Variants in ZNF532 observed in about 807,000 individuals in gnomAD.
ZNF532 encodes zinc finger protein 532.
ZNF532 carries 22 observed loss-of-function variants against 89.3 expected under a neutral mutation model. The observed-to-expected ratio is 0.25, with a 90% CI of 0.18 to 0.35. The LOEUF (loss-of-function observed/expected upper bound fraction) is 0.35. ZNF532 is among the 10% of genes least tolerant of loss of function. ZNF532 has a pLI of 1.00. For synonymous variants in ZNF532, 606 were observed against 649.6 expected, an observed-to-expected ratio of 0.93 and a Z score of 1.02; for missense variants, 1,132 against 1,643.4, an observed-to-expected ratio of 0.69 and a Z score of 5.38.
intron 6 of ZNF532, among the ~76,000 whole-genome samples, chr18:58,950,352 A>G (rs2064044447): frequency 6.6e-6 from 1 of 152,236 alleles, no homozygotes; most frequent in Non-Finnish European, 1.5e-5. Context: ...GCAAGACTAC[A>G]TGATACGAAA....
At chr18:58,873,492 A>G (rs1385995861) in intron 2 of ZNF532, among the ~76,000 whole-genome samples, 1 of 151,408 alleles carries the variant, frequency 6.6e-6, no homozygotes, top group African/African-American at 2.4e-5. Flanking sequence ...TCTGTCGCCC[A>G]TACTGGAGTG....
intron 3 of ZNF532, among the ~76,000 whole-genome samples, chr18:58,933,576 A>AT (rs2062133295): frequency 6.6e-6 from 1 of 152,142 alleles, no homozygotes; most frequent in Non-Finnish European, 1.5e-5. Flanking sequence ...TTTATGTCAT[A>AT]TGCTATGTGA....
chr18:58,971,708 T>A (rs939905022), intron 7 of ZNF532, among the ~76,000 whole-genome samples: 10 of 152,240 alleles, frequency 6.6e-5, no homozygotes, highest in Admixed American at 4.6e-4. Context: ...GAATCTTTTT[T>A]AGGGCAGTTT....
chr18:58,873,918 G>A (rs1010293621), intron 2 of ZNF532, among the ~76,000 whole-genome samples: 12 of 152,148 alleles, frequency 7.9e-5, no homozygotes, highest in African/African-American at 1.4e-4. Flanking sequence ...TACTAGCTGC[G>A]GGACCTTGAA....
intron 3 of ZNF532, among the ~76,000 whole-genome samples, chr18:58,930,868 G>T (rs1568353156): frequency 6.6e-6 from 1 of 151,964 alleles, no homozygotes; most frequent in Non-Finnish European, 1.5e-5. Context: ...TTGTTGTATT[G>T]TTATTTTTTA....
intron 5 of ZNF532, among the ~76,000 whole-genome samples, 175 bp from the exon 6 acceptor site, chr18:58,947,892 T>G (rs1478497015): frequency 3.3e-5 from 5 of 152,194 alleles, no homozygotes; most frequent in African/African-American, 1.2e-4. Context: ...TGATCTATGG[T>G]TGAGTAATGC....
chr18:58,890,859 T>C (rs561547242), intron 2 of ZNF532, among the ~76,000 whole-genome samples: 115 of 151,714 alleles, frequency 7.6e-4, no homozygotes, highest in Middle Eastern at 3.4e-3. Flanking sequence ...TCTTAAACTA[T>C]TTTTTTAGAT....
At chr18:58,960,959 A>G (rs912969681) in intron 7 of ZNF532, among the ~76,000 whole-genome samples, 26 of 152,248 alleles carry the variant, frequency 1.7e-4, no homozygotes, top group African/African-American at 6.3e-4. Flanking sequence ...GCTAAGTTCT[A>G]TGAAAAAGTA....
intron 5 of ZNF532, among the ~76,000 whole-genome samples, chr18:58,947,740 G>GATGCTT (rs1555743790): frequency 4.6e-5 from 7 of 151,914 alleles, no homozygotes; most frequent in Non-Finnish European, 1.0e-4. Flanking sequence ...AAAAAAAAAG[G>GATGCTT]ATGCTTTTGC....
At position 58,919,527 on chromosome 18, in the gene ZNF532, G is replaced by A. The variant is rs767465781; in HGVS notation, c.1240G>A (p.Ala414Thr). 18 of 1,613,970 alleles carry A rather than the reference G, an allele frequency of 1.1e-5. No individual in the cohort carries two copies. The highest frequency in any genetic ancestry group is 1.6e-4 in the Middle Eastern group (1 of 6,084). The change falls in exon 3 of 10, where the codon GCC (alanine) becomes ACC (threonine). Residue 414 changes from alanine to threonine, a missense_variant. Physicochemically the swap from Ala to Thr is moderately conservative, Grantham distance 58 (BLOSUM62 0). Transcript: ENST00000591808. This position sits in a 1 kb window ranked among gnomAD's most constrained non-coding sequence, Gnocchi z 6.1. ...TSLLSSPASA[A>T]VLSSPPRAPL... ...CCTTCTGTCGTCTCCAGCATCAGCCGCCGTCCTTTCCTCTCCCCCCAGGGC... is the reference window on the plus strand; with the variant it reads ...CCTTCTGTCGTCTCCAGCATCAGCCACCGTCCTTTCCTCTCCCCCCAGGGC...
chr18:58,984,054 A>C lies in ZNF532; in HGVS notation c.3494A>C (p.Lys1165Thr). The change falls in exon 10 of 10, where the codon AAG becomes ACG. Residue 1165 changes from lysine (K) to threonine (T), a missense_variant. By Grantham distance (78) the Lys-to-Thr change is moderately conservative. Coordinates refer to ENST00000591808, the MANE Select transcript of ZNF532 (RefSeq NM_001375912.1). ...GGAGCAATCACTCAACCACTGAAAA[A>C]GCTGAAAATCAATGTTTTTAAGGTT... is the stretch of plus-strand genomic sequence containing the variant. ...PRGAITQPLK[K>T]LKINVFKVHK... is the part of the protein sequence containing the mutation. 6.2e-7 allele frequency: 1 copy of C among 1,611,852 alleles called. No homozygotes were observed. Among genetic ancestry groups the C allele is most frequent in the Non-Finnish European group, 8.5e-7 (1 of 1,179,842 alleles).
At chr18:58,960,292 G>A (rs1001524057) in intron 7 of ZNF532, among the ~76,000 whole-genome samples, 5 of 152,146 alleles carry the variant, frequency 3.3e-5, no homozygotes, top group East Asian at 3.9e-4. Flanking sequence ...TCAAGTGATC[G>A]TCTCATCTTG....
chr18:58,918,423 C>T lies in ZNF532; in HGVS notation c.136C>T (p.His46Tyr), dbSNP rs2060763468. ...DHESHMKQNAHGEDDSHAPSS... is the reference protein window; with the variant it reads ...DHESHMKQNAYGEDDSHAPSS... ...TGAAAGCCACATGAAGCAGAATGCT[C>T]ACGGAGAGGATGACTCCCACGCACC... Residue 46 changes from histidine (H) to tyrosine (Y), a missense_variant, in exon 3 of 10, where the codon CAC becomes TAC. This residue lies in a region of ZNF532 where 302 missense variants were observed against 319.8 expected (regional missense o/e 0.94). Coordinates refer to ENST00000591808, the MANE Select transcript of ZNF532 (RefSeq NM_001375912.1). 4 of 1,614,060 alleles carry T rather than the reference C, an allele frequency of 2.5e-6. No homozygotes were observed. Among genetic ancestry groups the T allele is most frequent in the Non-Finnish European group, 3.4e-6 (4 of 1,180,050 alleles).
chr18:58,956,233 C>T lies in ZNF532; in HGVS notation c.3150+2434C>T, dbSNP rs551996484. Among the ~76,000 whole-genome samples the T allele has an allele frequency of 1.4e-4, 22 of 152,258 alleles. No homozygotes were observed. The South Asian group carries it at 3.5e-3, about 24-fold the overall frequency. ...TTGGATGTGTGTGCACGCATGTGCC[C>T]TTGGTTTTGATGGAGATGTTCATCA... On this transcript the variant is annotated intron_variant, in intron 7 of 9. Coordinates refer to ENST00000591808, the MANE Select transcript of ZNF532 (RefSeq NM_001375912.1).
chr18:58,982,077 ACCT>A (rs1432984289), intron 9 of ZNF532, among the ~76,000 whole-genome samples: 1 of 151,354 alleles, frequency 6.6e-6, no homozygotes, highest in Non-Finnish European at 1.5e-5. Context: ...ACCCATTCTG[ACCT>A]CATCATCAGG....
At chr18:58,972,368 GAC>G (rs1259813177) in intron 7 of ZNF532, among the ~76,000 whole-genome samples, 5 of 152,196 alleles carry the variant, frequency 3.3e-5, no homozygotes, top group African/African-American at 4.8e-5. Context: ...ATTAGAAATT[GAC>G]AGTGGTTATT....
rs2065101868 is a variant in ZNF532 at position 58,959,261 on chromosome 18, TTTTTTTTTG to T, written c.3150+5471_3150+5479del. ...GATCTTTTCAGTTTTTTGTTTTTTG[TTTTTTTTTG>T]TTTTTTTTTGGTTTTTTTTTTTGAC... is the stretch of plus-strand genomic sequence containing the variant. On this transcript the variant is annotated intron_variant, in intron 7 of 9. Transcript: ENST00000591808. Among the ~76,000 whole-genome samples, 4 of 126,094 alleles carry T rather than the reference TTTTTTTTTG, an allele frequency of 3.2e-5. No individual in the cohort carries two copies. The South Asian group carries it at 7.2e-4, about 23-fold the overall frequency. 82.7% of individuals were successfully genotyped at this position (126,094 alleles called of 152,430 possible).
intron 3 of ZNF532, among the ~76,000 whole-genome samples, chr18:58,929,250 C>G (rs1176894778): frequency 1.3e-5 from 2 of 152,122 alleles, no homozygotes; most frequent in Admixed American, 6.6e-5. Context: ...TTCCGAGTCA[C>G]CTTCAAGAGT....
At chr18:58,924,691 A>G (rs2061393367) in intron 3 of ZNF532, among the ~76,000 whole-genome samples, 1 of 152,250 alleles carries the variant, frequency 6.6e-6, no homozygotes, top group Admixed American at 6.5e-5. Context: ...ATAGAACAGT[A>G]TCACAGCTGG....
Sources: allele counts gnomAD v4.1 joint callset (sites outside exome capture counted in the v4.1 genomes callset), GRCh38; gene constraint gnomAD v4.1.1; regional missense constraint gnomAD v4.1.1; non-coding constraint Gnocchi (gnomAD v3.1); transcripts MANE v1.5; gene names NCBI Gene and HGNC (gene_info 2026-07-23, HGNC 2026-07-21).